CATSPER4: variants seen among roughly 807,000 people sequenced by gnomAD.
CATSPER4 encodes the protein cation channel sperm associated 4, also known as cation channel sperm-associated protein 4.
A neutral mutation model predicts 54.4 loss-of-function variants in CATSPER4; 46 were observed. That is an observed-to-expected ratio of 0.84 (90% confidence interval 0.67 to 1.08). CATSPER4 has a LOEUF of 1.08. Ranked by LOEUF, CATSPER4 falls within the 50% of genes least tolerant of loss-of-function variation. The pLI is 0.00. For missense variants in CATSPER4, 574 were observed against 612.8 expected (o/e 0.94, Z 0.67); for synonymous variants, 230 against 231.9 (o/e 0.99, Z 0.08).
At chr1:26,191,079 C>G (rs2088861812) in intron 1 of CATSPER4, among the ~76,000 whole-genome samples, 1 of 152,118 alleles carries the variant, frequency 6.6e-6, no homozygotes, top group Non-Finnish European at 1.5e-5. Context: ...CTGGCAATGA[C>G]TTCCACAAAA....
At chr1:26,201,690 CTTTTTTT>C in intron 9 of CATSPER4, 171 bp downstream of exon 9, 3 of 395,792 alleles carry the variant, frequency 7.6e-6, no homozygotes, top group South Asian at 2.2e-5. Flanking sequence ...TCTTTCTTTC[CTTTTTTT>C]TTTTTTTTTT....
rs1326010437 is a variant in CATSPER4 at position 26,202,704 on chromosome 1, T to C, written c.*162T>C. 5.8e-6 allele frequency: 4 copies of C among 690,818 alleles called. No homozygotes were observed. The African/African-American group carries it at 7.2e-5, about 12-fold the overall frequency. The allele number at this position is 690,818 out of a possible 1,614,324, so 42.8% of individuals were successfully genotyped here. Reference sequence around the variant, plus strand: ...AAGGTGGCAGCACCTGCAGGTCTGGTGCCTGTGAGCCCCAGGTCCGGTGGA... The same window carrying C: ...AAGGTGGCAGCACCTGCAGGTCTGGCGCCTGTGAGCCCCAGGTCCGGTGGA... On this transcript the variant is annotated 3_prime_UTR_variant, in exon 10 of 10. Transcript: ENST00000456354.
intron 4 of CATSPER4, 27 bp from the exon 5 acceptor site, chr1:26,197,930 G>A: frequency 6.2e-7 from 1 of 1,612,144 alleles, no homozygotes; most frequent in South Asian, 1.1e-5. Flanking sequence ...AAGGGCCTAG[G>A]GGCACCCCTG....
At chr1:26,200,743 G>A (rs1032784656) in intron 7 of CATSPER4, 87 bp from the exon 8 acceptor site, 1 of 1,024,230 alleles carries the variant, frequency 9.8e-7, no homozygotes, top group Non-Finnish European at 1.5e-6. Context: ...GGTCCTAAGA[G>A]ACTCATCCTG....
intron 2 of CATSPER4, among the ~76,000 whole-genome samples, chr1:26,192,772 A>G (rs1488089461): frequency 2.0e-5 from 3 of 151,706 alleles, no homozygotes; most frequent in Admixed American, 1.3e-4. Flanking sequence ...TGGATGTCCT[A>G]TTGTCTCCAG....
At chr1:26,198,893 T>G (rs896388808) in intron 6 of CATSPER4, among the ~76,000 whole-genome samples, 1 of 152,220 alleles carries the variant, frequency 6.6e-6, no homozygotes, top group Admixed American at 6.5e-5. Context: ...TCCAGTTTAT[T>G]CCAGAAAGTG....
At chr1:26,196,144 C>CTTTTTTTTTT (rs376569258) in intron 3 of CATSPER4, among the ~76,000 whole-genome samples, 1 of 125,274 alleles carries the variant, frequency 8.0e-6, no homozygotes, top group Non-Finnish European at 1.6e-5. Flanking sequence ...CTTTCTTTTC[C>CTTTTTTTTTT]TTTTTTTTTT....
chr1:26,202,917 C>T lies in CATSPER4; in HGVS notation c.*375C>T. 1 of 317,412 alleles carries T rather than the reference C, an allele frequency of 3.2e-6. No individual in the cohort carries two copies. Among genetic ancestry groups the T allele is most frequent in the South Asian group, 4.2e-5 (1 of 23,710 alleles). The allele number at this position is 317,412 out of a possible 1,614,324, so 19.7% of individuals were successfully genotyped here. On this transcript the variant is annotated 3_prime_UTR_variant, in exon 10 of 10. Coordinates refer to ENST00000456354, the MANE Select transcript of CATSPER4 (RefSeq NM_198137.2). The stretch of plus-strand genomic sequence containing the variant: ...AGAACCAAGAAGAGAAAGGCAAGGC[C>T]AGTGGGGCCAGACATCTGTGTGTTG...
chr1:26,199,180 G>A (rs1204201839), intron 6 of CATSPER4, among the ~76,000 whole-genome samples: 2 of 152,124 alleles, frequency 1.3e-5, no homozygotes, highest in Non-Finnish European at 2.9e-5. Context: ...GCTCACACCT[G>A]TAATCCCAGC....
intron 6 of CATSPER4, 113 bp downstream of exon 6, chr1:26,198,532 A>G: frequency 7.3e-7 from 1 of 1,370,350 alleles, no homozygotes; most frequent in Non-Finnish European, 1.0e-6. Context: ...GCCCAGTAGA[A>G]GTGGGGGTTC....
intron 9 of CATSPER4, 168 bp downstream of exon 9, chr1:26,201,687 T>G: frequency 5.3e-6 from 3 of 563,854 alleles, no homozygotes; most frequent in East Asian, 3.0e-5. Flanking sequence ...CTTTCTTTCT[T>G]TCCTTTTTTT....
At position 26,200,030 on chromosome 1, in the gene CATSPER4, G is replaced by A. The variant is rs777403508; in HGVS notation, c.959G>A (p.Gly320Glu). 1.9e-6 allele frequency: 3 copies of A among 1,613,832 alleles called. No homozygotes were observed. The South Asian group carries it at 3.3e-5, about 18-fold the overall frequency. The change falls in exon 7 of 10, where the codon GGA becomes GAA. Residue 320 changes from glycine (G) to glutamate (E), a missense_variant. Gly to Glu is a moderately conservative substitution (Grantham distance 98, BLOSUM62 -2). Coordinates refer to ENST00000456354, the MANE Select transcript of CATSPER4 (RefSeq NM_198137.2). Reference sequence around the variant, plus strand: ...CAAATGATGAAGGCAGGAGAGCAGGGACAACAGCAACGAATAACCTTTAGT... The same window carrying A: ...CAAATGATGAAGGCAGGAGAGCAGGAACAACAGCAACGAATAACCTTTAGT... ...LEQMMKAGEQ[G>E]QQQRITFSET... is the part of the protein sequence containing the mutation.
At chr1:26,198,190 G>A in intron 5 of CATSPER4, 96 bp from the exon 6 acceptor site, 1 of 1,613,520 alleles carries the variant, frequency 6.2e-7, no homozygotes, top group East Asian at 2.2e-5. Context: ...CTGAATCCCT[G>A]TGATTTCCTC....
intron 9 of CATSPER4, 112 bp from the exon 10 acceptor site, chr1:26,202,377 A>C: frequency 1.1e-6 from 1 of 915,060 alleles, no homozygotes; most frequent in South Asian, 1.4e-5. Flanking sequence ...CCTATGAAGC[A>C]CTTCTCTGGG....
At chr1:26,199,723 G>C (rs758921841) in intron 6 of CATSPER4, among the ~76,000 whole-genome samples, 161 bp from the exon 7 acceptor site, 1 of 152,196 alleles carries the variant, frequency 6.6e-6, no homozygotes, top group African/African-American at 2.4e-5. Context: ...GCTTAGTAGA[G>C]AGCAGCTATT....
rs1320902207 is a variant in CATSPER4, at chr1:26,191,370, C to T, written c.297C>T (p.Ala99=). 4 of 1,614,076 alleles carry T rather than the reference C, an allele frequency of 2.5e-6. No individual in the cohort carries two copies. Among genetic ancestry groups the T allele is most frequent in the South Asian group, 1.1e-5 (1 of 91,094 alleles). The change falls in exon 2 of 10, where the codon GCC becomes GCT. Residue 99 remains alanine (A), a synonymous_variant. Coordinates refer to ENST00000456354, the MANE Select transcript of CATSPER4 (RefSeq NM_198137.2). ...LRHPAFQLLL[A]LLLVINAITI... is the part of the protein sequence containing the mutation. ...ACCCCGCCTTCCAACTGCTGCTGGC[C>T]CTGCTGCTGGTGATCAATGCCATCA... is the stretch of plus-strand genomic sequence containing the variant.
Position 26,200,957 on chromosome 1 carries a change from A to C in CATSPER4, c.1115A>C (p.Asn372Thr). The C allele has an allele frequency of 2.5e-6, 4 of 1,614,050 alleles. No homozygotes were observed. Among genetic ancestry groups the C allele is most frequent in the Non-Finnish European group, 2.5e-6 (3 of 1,180,036 alleles). ...GGCCCCCTGTCGAACCTCTCAGAAA[A>C]CACGTGTGACAACTTTTGCTTGGTG... ...AGGPLSNLSENTCDNFCLVLE... is the reference protein window; with the variant it reads ...AGGPLSNLSETTCDNFCLVLE... Residue 372 changes from asparagine (N) to threonine (T), a missense_variant, in exon 8 of 10, where the codon AAC (asparagine) becomes ACC (threonine). Asn to Thr is a moderately conservative substitution (Grantham distance 65). Transcript: ENST00000456354.
intron 7 of CATSPER4, 135 bp downstream of exon 7, chr1:26,200,193 GC>G (rs1234387605): frequency 9.8e-6 from 10 of 1,015,810 alleles, no homozygotes; most frequent in Non-Finnish European, 1.3e-5. Flanking sequence ...GGAGGCAGCA[GC>G]CCCCCATCTT....
At chr1:26,197,840 TGGG>T in intron 4 of CATSPER4, 57 bp downstream of exon 4, 2 of 1,599,694 alleles carry the variant, frequency 1.3e-6, no homozygotes, top group Non-Finnish European at 1.7e-6. Flanking sequence ...AGGAATGAGA[TGGG>T]GGGATAACGA....
Sources: allele counts gnomAD v4.1 joint callset (sites outside exome capture counted in the v4.1 genomes callset), GRCh38; gene constraint gnomAD v4.1.1; transcripts MANE v1.5; gene names NCBI Gene and HGNC (gene_info 2026-07-23, HGNC 2026-07-21).